Variants in APELA observed in about 807,000 individuals in gnomAD.
The protein encoded by APELA is apelin receptor early endogenous ligand.
chr4:164,879,065 T>C (rs569837934), intron 2 of APELA, 56 bp downstream of exon 2: 3 of 398,788 alleles, frequency 7.5e-6, no homozygotes, highest in South Asian at 1.3e-4. Flanking sequence ...AAATTAGATA[T>C]ACCAGGAAAT....
intron 2 of APELA, among the ~76,000 whole-genome samples, chr4:164,886,596 T>C (rs2111059696): frequency 6.6e-6 from 1 of 152,096 alleles, no homozygotes; most frequent in South Asian, 2.1e-4. Flanking sequence ...TAGTGAGCTG[T>C]GATCATACCA....
chr4:164,879,464 C>T (rs1242221324), intron 2 of APELA, among the ~76,000 whole-genome samples: 3 of 151,960 alleles, frequency 2.0e-5, no homozygotes, highest in African/African-American at 7.2e-5. Context: ...CTCCCCTCTC[C>T]CCCAGGGTCT....
intron 2 of APELA, among the ~76,000 whole-genome samples, chr4:164,888,792 G>A (rs1459849810): frequency 6.6e-6 from 1 of 151,898 alleles, no homozygotes; most frequent in African/African-American, 2.4e-5. Flanking sequence ...TCTTACAATT[G>A]AAATAAAATT....
intron 2 of APELA, among the ~76,000 whole-genome samples, chr4:164,888,819 A>G (rs1730828361): frequency 6.6e-6 from 1 of 152,210 alleles, no homozygotes; most frequent in Non-Finnish European, 1.5e-5. Context: ...GTAAACCACA[A>G]AAGCACTTCT....
At position 164,878,977 on chromosome 4, in the gene APELA, T is replaced by C. The variant is rs1730607256; in HGVS notation, c.134T>C (p.Met45Thr). The stretch of plus-strand genomic sequence containing the variant: ...CACAATTGCCTTCAGAGGAGATGTA[T>C]GCCTCTCCATTCACGAGTACCCTTT... ...RKHNCLQRRCMPLHSRVPFP is the reference protein window; with the variant it reads ...RKHNCLQRRCTPLHSRVPFP Residue 45 changes from methionine to threonine, a missense_variant, in exon 2 of 3, where the codon ATG becomes ACG. Coordinates refer to ENST00000507152, the MANE Select transcript of APELA (RefSeq NM_001297550.2). 8 of 399,020 alleles carry C rather than the reference T, an allele frequency of 2.0e-5. No individual in the cohort carries two copies. In the East Asian group the frequency reaches 2.9e-4, roughly 14 times the overall value. The allele number at this position is 399,020 out of a possible 1,614,324, so 24.7% of individuals were successfully genotyped here.
intron 2 of APELA, among the ~76,000 whole-genome samples, chr4:164,892,764 G>T (rs1730907296): frequency 6.6e-6 from 1 of 152,034 alleles, no homozygotes; most frequent in Admixed American, 6.6e-5. Context: ...TTTCTTAATT[G>T]CTAATTCGAT....
chr4:164,890,900 C>T (rs566911333), intron 2 of APELA, among the ~76,000 whole-genome samples: 17 of 152,150 alleles, frequency 1.1e-4, no homozygotes, highest in Non-Finnish European at 2.4e-4. Context: ...CTTGCTAACA[C>T]TTGTTGTTAT....
At chr4:164,894,816 T>C (rs1263868186) in intron 2 of APELA, among the ~76,000 whole-genome samples, 1 of 152,232 alleles carries the variant, frequency 6.6e-6, no homozygotes, top group African/African-American at 2.4e-5. Flanking sequence ...TGAGCCATCA[T>C]GCCTGGCCCC....
chr4:164,886,799 G>C (rs1288134457), intron 2 of APELA, among the ~76,000 whole-genome samples: 1 of 151,690 alleles, frequency 6.6e-6, no homozygotes, highest in Non-Finnish European at 1.5e-5. Context: ...ATGTTCTAGA[G>C]TTTCAAAGTT....
chr4:164,885,724 G>A (rs1181198378), intron 2 of APELA, among the ~76,000 whole-genome samples: 2 of 151,660 alleles, frequency 1.3e-5, no homozygotes, highest in African/African-American at 2.4e-5. Flanking sequence ...CTGGGTGACA[G>A]AGTGAGACCA....
At chr4:164,883,798 A>G (rs1370199412) in intron 2 of APELA, among the ~76,000 whole-genome samples, 4 of 151,812 alleles carry the variant, frequency 2.6e-5, no homozygotes, top group Non-Finnish European at 5.9e-5. Context: ...TAGTCTTTCA[A>G]TAAAAAATAC....
intron 2 of APELA, among the ~76,000 whole-genome samples, chr4:164,883,132 C>A (rs1322786715): frequency 2.0e-5 from 3 of 152,138 alleles, no homozygotes. Flanking sequence ...TGCAATTGTC[C>A]TAGCATCTTC....
chr4:164,881,764 G>C (rs561644225), intron 2 of APELA, among the ~76,000 whole-genome samples: 1 of 152,046 alleles, frequency 6.6e-6, no homozygotes, highest in Non-Finnish European at 1.5e-5. Context: ...GCCAGGTCCA[G>C]TGGCTCATGC....
At chr4:164,882,609 A>T (rs986408117) in intron 2 of APELA, among the ~76,000 whole-genome samples, 1 of 151,934 alleles carries the variant, frequency 6.6e-6, no homozygotes, top group Non-Finnish European at 1.5e-5. Context: ...TTTCATTATT[A>T]TTATACTTAA....
At position 164,896,609 on chromosome 4, in the gene APELA, G is replaced by T. The variant is rs1730980365; in HGVS notation, c.*1195G>T. The T allele has an allele frequency of 6.6e-6, 1 of 151,634 alleles. No individual in the cohort carries two copies. Among genetic ancestry groups the T allele is most frequent in the Non-Finnish European group, 1.5e-5 (1 of 67,904 alleles). 9.4% of individuals were successfully genotyped at this position (151,634 alleles called of 1,614,324 possible). A position where few individuals can be genotyped will look rare whatever the true frequency, so the allele number is the denominator to read the frequency against. On this transcript the variant is annotated 3_prime_UTR_variant, in exon 3 of 3. Coordinates refer to ENST00000507152, the MANE Select transcript of APELA (RefSeq NM_001297550.2). ...AATAAAAAATCAGAAGGAATTTAGG[G>T]ATATGATTACTCAAAAAAGAAACTA... is the stretch of plus-strand genomic sequence containing the variant.
At chr4:164,883,419 C>T (rs1017275291) in intron 2 of APELA, among the ~76,000 whole-genome samples, 4 of 152,070 alleles carry the variant, frequency 2.6e-5, no homozygotes, top group African/African-American at 9.7e-5. Context: ...CAAAATCCAA[C>T]CTCGCCCTCA....
At position 164,895,761 on chromosome 4, in the gene APELA, G is replaced by C. The variant is rs1367689943; in HGVS notation, c.*347G>C. 2 of 152,118 alleles carry C rather than the reference G, an allele frequency of 1.3e-5. No homozygotes were observed. The highest frequency in any genetic ancestry group is 2.4e-5 in the African/African-American group (1 of 41,438). 9.4% of individuals were successfully genotyped at this position (152,118 alleles called of 1,614,324 possible). On this transcript the variant is annotated 3_prime_UTR_variant, in exon 3 of 3. Coordinates refer to ENST00000507152, the MANE Select transcript of APELA (RefSeq NM_001297550.2). ...TTTTAGTGTTTTAGAACTCTCTCATGGTAAAAAGTGCAAGAATTTAAAATG... is the reference window on the plus strand; with the variant it reads ...TTTTAGTGTTTTAGAACTCTCTCATCGTAAAAAGTGCAAGAATTTAAAATG...
At chr4:164,886,391 C>T (rs1378314554) in intron 2 of APELA, among the ~76,000 whole-genome samples, 1 of 152,160 alleles carries the variant, frequency 6.6e-6, no homozygotes, top group Non-Finnish European at 1.5e-5. Context: ...GTGGCTCACA[C>T]TTGTAAACCC....
rs1730969477 is a variant in APELA at position 164,896,063 on chromosome 4, T to C, written c.*649T>C. The C allele has an allele frequency of 1.3e-5, 2 of 152,244 alleles. No individual in the cohort carries two copies. The highest frequency in any genetic ancestry group is 4.8e-5 in the African/African-American group (2 of 41,462). The allele number at this position is 152,244 out of a possible 1,614,324, so 9.4% of individuals were successfully genotyped here. On this transcript the variant is annotated 3_prime_UTR_variant, in exon 3 of 3. Transcript: ENST00000507152. ...TTGAAAGAAAACATGAAATCCTAAT[T>C]GTAGTTCATTTTATGTTCAAATGAA... is the stretch of plus-strand genomic sequence containing the variant.
Sources: gnomAD v4.1 joint callset for allele counts (sites outside exome capture counted in the v4.1 genomes callset) on GRCh38, gnomAD v4.1.1 for gene constraint, MANE v1.5 for transcripts, NCBI Gene and HGNC (gene_info 2026-07-23, HGNC 2026-07-21) for gene names.